The following DNAH9 variants were observed in gnomAD, a reference collection of about 807,000 sequenced individuals.
The protein encoded by DNAH9 is dynein axonemal heavy chain 9.
A neutral mutation model predicts 471.6 loss-of-function variants in DNAH9; 345 were observed. That is an observed-to-expected ratio of 0.73 (90% CI 0.67 to 0.80). The LOEUF (loss-of-function observed/expected upper bound fraction) is 0.80. Among genes scored for constraint, DNAH9 ranks in the 30% least tolerant of loss-of-function variants. The pLI, the probability that DNAH9 is intolerant of heterozygous loss-of-function variation, is 0.00. For missense variants in DNAH9, 5,407 were observed against 5,609.2 expected (o/e 0.96, Z 1.15); for synonymous variants, 2,093 against 2,123.6 (o/e 0.99, Z 0.40).
At position 11,823,008 on chromosome 17, in the gene DNAH9, C is replaced by G. The variant is rs373085216; in HGVS notation, c.9220C>G (p.Leu3074Val). The G allele has an allele frequency of 1.8e-5, 29 of 1,613,820 alleles. No individual in the cohort carries two copies. Among genetic ancestry groups the G allele is most frequent in the Admixed American group, 1.5e-4 (9 of 59,964 alleles). The change falls in exon 48 of 69, where the codon CTG becomes GTG. Residue 3074 changes from leucine to valine, a missense_variant. By Grantham distance (32) the Leu-to-Val change is conservative (BLOSUM62 1). Coordinates refer to ENST00000262442, the MANE Select transcript of DNAH9 (RefSeq NM_001372.4). The part of the protein sequence containing the change: ...CKTERLENGL[L>V]KLHSTSAQVD... ...GACAGAGCGGTTGGAGAACGGGCTG[C>G]TGAAGCTGCATAGCACCTCTGCCCA...
At chr17:11,684,332 T>C (rs932128656) in intron 19 of DNAH9, among the ~76,000 whole-genome samples, 1 of 152,182 alleles carries the variant, frequency 6.6e-6, no homozygotes, top group African/African-American at 2.4e-5. Flanking sequence ...GTTCTTCATG[T>C]CCAAGTCAAA....
At chr17:11,699,637 C>A in intron 22 of DNAH9, 94 bp from the exon 23 acceptor site, 1 of 1,143,744 alleles carries the variant, frequency 8.7e-7, no homozygotes, top group South Asian at 1.4e-5. Context: ...CTCTGTCTTT[C>A]ACAATGATTG....
Position 11,784,506 on chromosome 17 carries a change from C to T in DNAH9, c.8028C>T (p.Ile2676=). ...FLPTGIKFHY[I]FNLRDFANIF... is the part of the protein sequence containing the mutation. ...CCACAGGAATCAAATTCCACTACAT[C>T]TTCAACCTCAGAGATTTTGCCAACA... Residue 2676 remains isoleucine (I), a synonymous_variant, in exon 41 of 69, where the codon ATC becomes ATT. Transcript: ENST00000262442. 1.9e-6 allele frequency: 3 copies of T among 1,614,228 alleles called. No homozygotes were observed. The highest frequency in any genetic ancestry group is 1.7e-6 in the Non-Finnish European group (2 of 1,180,038).
At chr17:11,945,143 GGTGGAAGGC>G (rs985318276) in intron 67 of DNAH9, among the ~76,000 whole-genome samples, 33 of 152,328 alleles carry the variant, frequency 2.2e-4, no homozygotes, top group African/African-American at 7.7e-4. Flanking sequence ...CCAGAACACT[GGTGGAAGGC>G]ACGCTTGGCT....
intron 35 of DNAH9, among the ~76,000 whole-genome samples, chr17:11,762,772 T>TTG (rs1555584671): frequency 1.9e-5 from 2 of 107,514 alleles, no homozygotes; most frequent in Admixed American, 9.6e-5. Context: ...TTTTTTTTGT[T>TTG]TTTTTTTTTT....
intron 10 of DNAH9, among the ~76,000 whole-genome samples, chr17:11,643,526 G>T (rs2073318903): frequency 6.6e-6 from 1 of 152,166 alleles, no homozygotes; most frequent in Admixed American, 6.5e-5. Context: ...TCACAATGGG[G>T]TTATGTTCTG....
At chr17:11,950,184 T>C (rs1022081549) in intron 67 of DNAH9, among the ~76,000 whole-genome samples, 10 of 152,166 alleles carry the variant, frequency 6.6e-5, no homozygotes, top group African/African-American at 2.2e-4. Flanking sequence ...ACTCTCAAAT[T>C]CCCCACCAGA....
intron 19 of DNAH9, among the ~76,000 whole-genome samples, chr17:11,687,427 CT>C: frequency 6.6e-6 from 1 of 152,306 alleles, no homozygotes; most frequent in South Asian, 2.1e-4. Context: ...TACTTTCCAT[CT>C]GTCAAGTCAA....
intron 48 of DNAH9, 96 bp downstream of exon 48, chr17:11,823,130 A>G (rs545119773): frequency 1.9e-6 from 2 of 1,044,442 alleles, no homozygotes; most frequent in South Asian, 3.3e-5. Context: ...CAAGATCTGA[A>G]AAATATGTAC....
At chr17:11,687,309 C>A (rs757997265) in intron 19 of DNAH9, among the ~76,000 whole-genome samples, 1 of 152,126 alleles carries the variant, frequency 6.6e-6, no homozygotes, top group Admixed American at 6.5e-5. Context: ...ACATAACGAG[C>A]GTCGAAGTTA....
chr17:11,864,479 TG>T (rs1050228465), intron 50 of DNAH9, among the ~76,000 whole-genome samples: 12 of 150,154 alleles, frequency 8.0e-5, no homozygotes, highest in Non-Finnish European at 1.6e-4. Context: ...GGTGTGGTGC[TG>T]AAAAAAATGT....
intron 4 of DNAH9, among the ~76,000 whole-genome samples, chr17:11,616,919 A>C (rs1199119588): frequency 6.6e-6 from 1 of 152,208 alleles, no homozygotes; most frequent in Non-Finnish European, 1.5e-5. Flanking sequence ...TGGTCCAAGC[A>C]CTGTGCTAGT....
In DNAH9 at chr17:11,620,968, T is replaced by G. The variant is rs140339993; in HGVS notation, c.1350+1187T>G. On this transcript the variant is annotated intron_variant, in intron 6 of 68. Coordinates refer to ENST00000262442, the MANE Select transcript of DNAH9 (RefSeq NM_001372.4). ...CATGATACTATTTCTTTGGATTGTT[T>G]CAATTCTCAAAACTTAATATGTTTA... is the stretch of plus-strand genomic sequence containing the variant. 1.8e-4 allele frequency among the ~76,000 whole-genome samples: 28 copies of G among 152,340 alleles called. No individual in the cohort carries two copies. In the East Asian group the frequency reaches 5.4e-3, roughly 29 times the overall value.
chr17:11,967,708 C>T (rs1312488388), intron 68 of DNAH9, among the ~76,000 whole-genome samples: 2 of 152,052 alleles, frequency 1.3e-5, no homozygotes, highest in Non-Finnish European at 2.9e-5. Flanking sequence ...ACAAAAGACA[C>T]GTTTTAGATT....
chr17:11,939,479 C>T (rs968596455), intron 66 of DNAH9, among the ~76,000 whole-genome samples: 15 of 152,282 alleles, frequency 9.9e-5, no homozygotes, highest in African/African-American at 3.1e-4. Context: ...GTGTGGGACA[C>T]GTGTGCAGGT....
intron 26 of DNAH9, among the ~76,000 whole-genome samples, chr17:11,711,972 G>A (rs8081082): frequency 0.58 from 794 of 1,376 alleles, 353 homozygotes; most frequent in Admixed American, 0.94. Flanking sequence ...ATATATATTT[G>A]TATATATATT....
Position 11,822,001 on chromosome 17 carries a change from T to C in DNAH9, c.8789T>C (p.Leu2930Pro). 6.2e-7 allele frequency: 1 copy of C among 1,614,186 alleles called. No individual in the cohort carries two copies. Among genetic ancestry groups the C allele is most frequent in the Middle Eastern group, 1.6e-4 (1 of 6,062 alleles). Residue 2930 changes from leucine to proline, a missense_variant, in exon 46 of 69, where the codon CTG (leucine) becomes CCG (proline). By Grantham distance (98) the Leu-to-Pro change is moderately conservative. Around this residue, in one of 3 missense-constraint regions of DNAH9, gnomAD observed 4,636 missense variants for 4,900.3 expected, o/e 0.95. Transcript: ENST00000262442. ...NVRNEVKSQG[L>P]VDNRENCWKF... ...AGGAATGAAGTCAAGAGCCAGGGTCTGGTTGACAACAGAGAGAACTGTTGG... is the reference window on the plus strand; with the variant it reads ...AGGAATGAAGTCAAGAGCCAGGGTCCGGTTGACAACAGAGAGAACTGTTGG...
At chr17:11,705,692 A>C (rs1266254797) in intron 26 of DNAH9, among the ~76,000 whole-genome samples, 2 of 152,180 alleles carry the variant, frequency 1.3e-5, no homozygotes, top group Admixed American at 1.3e-4. Flanking sequence ...AGCTAGCAAC[A>C]GTGTATTGTA....
intron 19 of DNAH9, among the ~76,000 whole-genome samples, chr17:11,687,733 A>C (rs1237848620): frequency 5.9e-5 from 9 of 152,114 alleles, no homozygotes; most frequent in Non-Finnish European, 1.0e-4. Flanking sequence ...AGCACACAGA[A>C]GCAAGAAAAC....
Sources: allele counts gnomAD v4.1 joint callset (sites outside exome capture counted in the v4.1 genomes callset), GRCh38; gene constraint gnomAD v4.1.1; regional missense constraint gnomAD v4.1.1; transcripts MANE v1.5; gene names NCBI Gene and HGNC (gene_info 2026-07-23, HGNC 2026-07-21).